The following FBXO11 variants were observed in gnomAD, a reference collection of about 807,000 sequenced individuals.
FBXO11 encodes F-box protein 11.
In FBXO11, 13 loss-of-function variants were observed where a neutral mutation model predicts 117.0. The observed-to-expected ratio is 0.11, with a 90% CI of 0.07 to 0.18. FBXO11 has a LOEUF of 0.18. Among genes scored for constraint, FBXO11 ranks in the 10% least tolerant of loss-of-function variants. The probability of loss-of-function intolerance (pLI) is 1.00; values close to 1 mark genes in which losing one functional copy is unlikely to be tolerated. For missense variants in FBXO11, 767 were observed against 1,164.4 expected, an observed-to-expected ratio of 0.66 and a Z score of 4.97; for synonymous variants, 490 against 380.5, an observed-to-expected ratio of 1.29 and a Z score of -3.35.
At chr2:47,833,708 A>C (rs1672345182) in intron 7 of FBXO11, among the ~76,000 whole-genome samples, 1 of 152,238 alleles carries the variant, frequency 6.6e-6, no homozygotes, top group Non-Finnish European at 1.5e-5. Flanking sequence ...AAAGTATTTA[A>C]AAATTCTATT....
chr2:47,863,316 A>G (rs367987406), intron 1 of FBXO11, among the ~76,000 whole-genome samples: 40 of 152,304 alleles, frequency 2.6e-4, no homozygotes, highest in African/African-American at 9.1e-4. Context: ...TGATTTTATA[A>G]AAGATATTCT....
intron 1 of FBXO11, among the ~76,000 whole-genome samples, chr2:47,866,757 C>A (rs1223757046): frequency 1.3e-5 from 2 of 152,198 alleles, no homozygotes; most frequent in Admixed American, 6.5e-5. Flanking sequence ...CAGGCGTGAG[C>A]CACTGCGCCC....
chr2:47,858,907 C>T (rs1427347996), intron 1 of FBXO11, among the ~76,000 whole-genome samples: 1 of 150,902 alleles, frequency 6.6e-6, no homozygotes, highest in African/African-American at 2.4e-5. Flanking sequence ...GGCGTGGTAG[C>T]CCGCGCCTGT....
In FBXO11 at chr2:47,905,596, T is replaced by A. The variant is rs975859124; in HGVS notation, c.125A>T (p.Gln42Leu). The A allele has an allele frequency of 7.7e-7, 1 of 1,294,160 alleles. No individual in the cohort carries two copies. Among genetic ancestry groups the A allele is most frequent in the African/African-American group, 1.6e-5 (1 of 63,522 alleles). 80.2% of individuals were successfully genotyped at this position (1,294,160 alleles called of 1,614,324 possible). Residue 42 changes from glutamine (Q) to leucine (L), a missense_variant, in exon 1 of 23, where the codon CAG becomes CTG. Transcript: ENST00000403359. Reference protein sequence around the residue: ...PPQPPQQQPPQQQPPPPPQQQ... With the variant: ...PPQPPQQQPPLQQPPPPPQQQ... ...CTGCGGCGGCGGCGGAGGCTGCTGC[T>A]GGGGCGGCTGCTGCTGGGGCGGCTG...
intron 1 of FBXO11, among the ~76,000 whole-genome samples, chr2:47,857,191 T>G (rs1446116892): frequency 6.6e-6 from 1 of 152,210 alleles, no homozygotes; most frequent in Non-Finnish European, 1.5e-5. Context: ...TACTAGAGAT[T>G]ATAAAATCAG....
At chr2:47,833,391 AAGAAG>A (rs1368929510) in intron 7 of FBXO11, among the ~76,000 whole-genome samples, 1 of 152,344 alleles carries the variant, frequency 6.6e-6, no homozygotes, top group Non-Finnish European at 1.5e-5. Flanking sequence ...ACAGAAGCTC[AAGAAG>A]AGAAGAGACC....
intron 11 of FBXO11, among the ~76,000 whole-genome samples, chr2:47,829,824 A>G (rs1672048746): frequency 6.6e-6 from 1 of 152,228 alleles, no homozygotes; most frequent in Non-Finnish European, 1.5e-5. Flanking sequence ...AAAACGTATG[A>G]GGTATACATT....
At chr2:47,904,578 GCAAACACACACA>G (rs1436219028) in intron 1 of FBXO11, among the ~76,000 whole-genome samples, 3 of 105,500 alleles carry the variant, frequency 2.8e-5, no homozygotes, top group African/African-American at 7.9e-5. Context: ...GCGCGCGCGC[GCAAACACACACA>G]CACACACACA....
At chr2:47,852,040 G>A (rs1673904699) in intron 1 of FBXO11, among the ~76,000 whole-genome samples, 1 of 143,662 alleles carries the variant, frequency 7.0e-6, no homozygotes. Context: ...TGCCCAGGTT[G>A]GAGTGCAATG....
At chr2:47,846,333 G>A (rs971498817) in intron 1 of FBXO11, among the ~76,000 whole-genome samples, 3 of 152,182 alleles carry the variant, frequency 2.0e-5, no homozygotes, top group Non-Finnish European at 2.9e-5. Flanking sequence ...CAGGTTTGGT[G>A]GCGCATGCCT....
chr2:47,849,716 A>T (rs1048265802), intron 1 of FBXO11, among the ~76,000 whole-genome samples: 9 of 152,210 alleles, frequency 5.9e-5, no homozygotes, highest in Admixed American at 5.9e-4. Flanking sequence ...TTTTCTGAAG[A>T]AAGTCCAAGC....
At chr2:47,879,020 C>G (rs1676230985) in intron 1 of FBXO11, among the ~76,000 whole-genome samples, 1 of 152,104 alleles carries the variant, frequency 6.6e-6, no homozygotes, top group African/African-American at 2.4e-5. Context: ...TATTCAGTTC[C>G]TCTCCCCTTT....
At chr2:47,889,168 A>G (rs1053459357) in intron 1 of FBXO11, among the ~76,000 whole-genome samples, 1 of 152,214 alleles carries the variant, frequency 6.6e-6, no homozygotes, top group Non-Finnish European at 1.5e-5. Flanking sequence ...CATAACACCA[A>G]TATGACTGCT....
chr2:47,891,401 TATTTC>T (rs1478008541), intron 1 of FBXO11, among the ~76,000 whole-genome samples: 2 of 152,258 alleles, frequency 1.3e-5, no homozygotes, highest in Non-Finnish European at 2.9e-5. Flanking sequence ...GTGATTGGCT[TATTTC>T]ATTTAGCATA....
At chr2:47,905,445 C>G (rs2104135718) in intron 1 of FBXO11, 44 bp downstream of exon 1, 3 of 1,201,080 alleles carry the variant, frequency 2.5e-6, no homozygotes, top group East Asian at 3.8e-5. Context: ...TCCCTTCCCG[C>G]GGTGCCCGGG....
chr2:47,814,972 C>A (rs888390354), intron 16 of FBXO11, among the ~76,000 whole-genome samples: 1 of 152,214 alleles, frequency 6.6e-6, no homozygotes, highest in Admixed American at 6.5e-5. Flanking sequence ...AACTCCTCAT[C>A]TGTCCAAGTT....
intron 1 of FBXO11, among the ~76,000 whole-genome samples, chr2:47,884,277 G>T (rs1420396133): frequency 1.3e-5 from 2 of 152,128 alleles, no homozygotes; most frequent in African/African-American, 2.4e-5. Context: ...TCCTGTACAT[G>T]TGGCTCTGTG....
chr2:47,815,049 A>C (rs1167529370), intron 16 of FBXO11, among the ~76,000 whole-genome samples: 1 of 152,126 alleles, frequency 6.6e-6, no homozygotes, highest in East Asian at 1.9e-4. Context: ...CTTCTCTTGC[A>C]ATTTCTACCA....
intron 19 of FBXO11, 148 bp downstream of exon 19, chr2:47,810,168 G>C (rs1482048577): frequency 3.5e-6 from 2 of 572,646 alleles, no homozygotes; most frequent in Non-Finnish European, 6.1e-6. Context: ...ACTTGATTAG[G>C]TGCTCTTGTA....
Sources: allele counts gnomAD v4.1 joint callset (sites outside exome capture counted in the v4.1 genomes callset), GRCh38; gene constraint gnomAD v4.1.1; transcripts MANE v1.5; gene names NCBI Gene and HGNC (gene_info 2026-07-23, HGNC 2026-07-21).